The following DCHS2 variants were observed in gnomAD, a reference collection of about 807,000 sequenced individuals.
DCHS2 encodes protocadherin-23.
Under a neutral mutation model 182.4 loss-of-function variants are expected in DCHS2, and 142 were observed. The observed-to-expected ratio is 0.78, with a 90% CI of 0.68 to 0.89. The LOEUF (loss-of-function observed/expected upper bound fraction) is 0.89, where lower values mean the gene tolerates loss of function less well. Ranked by LOEUF, DCHS2 falls within the 40% of genes least tolerant of loss-of-function variation. The probability of loss-of-function intolerance (pLI) is 0.00; values close to 1 mark genes in which losing one functional copy is unlikely to be tolerated. For synonymous variants in DCHS2, 1,740 were observed against 1,663.3 expected, an observed-to-expected ratio of 1.05 and a Z score of -1.12; for missense variants, 4,319 against 4,198.6, an observed-to-expected ratio of 1.03 and a Z score of -0.79.
chr4:154,431,862 G>A (rs1397815741), intron 1 of DCHS2, among the ~76,000 whole-genome samples: 1 of 108,882 alleles, frequency 9.2e-6, no homozygotes, highest in Non-Finnish European at 2.3e-5. Flanking sequence ...TGCCCAATAA[G>A]CCTAAGGCTT....
At chr4:154,245,155 T>C (rs1334414370) in intron 16 of DCHS2, among the ~76,000 whole-genome samples, 1 of 152,138 alleles carries the variant, frequency 6.6e-6, no homozygotes, top group Non-Finnish European at 1.5e-5. Flanking sequence ...TAAAAAAATA[T>C]GAAGGTAGAT....
At chr4:154,483,823 C>A (rs1736014670) in intron 1 of DCHS2, among the ~76,000 whole-genome samples, 6 of 152,110 alleles carry the variant, frequency 3.9e-5, no homozygotes, top group Admixed American at 3.9e-4. Flanking sequence ...AGTCGCAAGA[C>A]CCTCGTCTCA....
rs190489891 is a variant in DCHS2 at position 154,444,008 on chromosome 4, G to A, written c.2052+45296C>T. Among the ~76,000 whole-genome samples the A allele has an allele frequency of 2.0e-3, 310 of 152,248 alleles. 1 individual carries two copies. The highest frequency in any genetic ancestry group is 6.8e-3 in the African/African-American group (284 of 41,550). Reference sequence around the variant, plus strand: ...ATTCTCTTTGCTTCCAGGATCCAGTGTTCTCCTGATTCCTCTCCTCCCTGC... The same window carrying A: ...ATTCTCTTTGCTTCCAGGATCCAGTATTCTCCTGATTCCTCTCCTCCCTGC... On this transcript the variant is annotated intron_variant, in intron 1 of 19. Coordinates refer to ENST00000357232, the MANE Select transcript of DCHS2 (RefSeq NM_001358235.2).
chr4:154,456,158 T>TA (rs1734758275), intron 1 of DCHS2, among the ~76,000 whole-genome samples: 2 of 152,148 alleles, frequency 1.3e-5, no homozygotes, highest in Non-Finnish European at 2.9e-5. Flanking sequence ...ATATAGTATA[T>TA]AGGTTTTCTG....
chr4:154,385,565 G>A (rs961410354), intron 1 of DCHS2, among the ~76,000 whole-genome samples: 1 of 152,100 alleles, frequency 6.6e-6, no homozygotes, highest in African/African-American at 2.4e-5. Context: ...TCGGCTCACT[G>A]CAACCTCCGC....
chr4:154,336,207 A>T (rs992677995), intron 3 of DCHS2, among the ~76,000 whole-genome samples: 1 of 152,220 alleles, frequency 6.6e-6, no homozygotes, highest in Non-Finnish European at 1.5e-5. Flanking sequence ...AGGCTTATGC[A>T]TGTAGAGTAT....
intron 1 of DCHS2, among the ~76,000 whole-genome samples, chr4:154,466,434 C>A (rs1735242266): frequency 6.6e-6 from 1 of 152,228 alleles, no homozygotes; most frequent in South Asian, 2.1e-4. Flanking sequence ...GAACACTGAG[C>A]CTAAAGAACC....
chr4:154,338,098 C>T lies in DCHS2; in HGVS notation c.2477-2994G>A, dbSNP rs549020321. Among the ~76,000 whole-genome samples, 123 of 152,264 alleles carry T rather than the reference C, an allele frequency of 8.1e-4. 1 individual carries two copies. Among genetic ancestry groups the T allele is most frequent in the African/African-American group, 2.8e-3 (117 of 41,554 alleles). On this transcript the variant is annotated intron_variant, in intron 3 of 19. Transcript: ENST00000357232. ...GGTGCAGCTGGCCTTCTCTTTCTCT[C>T]CACTTAGCTCTAGCTACCACTATTC...
intron 1 of DCHS2, among the ~76,000 whole-genome samples, chr4:154,462,378 A>G (rs1393203030): frequency 6.6e-6 from 1 of 152,218 alleles, no homozygotes; most frequent in Non-Finnish European, 1.5e-5. Context: ...TTGTTTTACA[A>G]CATACGAAAG....
intron 13 of DCHS2, among the ~76,000 whole-genome samples, chr4:154,283,790 T>C (rs888830376): frequency 2.6e-4 from 40 of 152,288 alleles, no homozygotes; most frequent in African/African-American, 9.6e-4. Context: ...ATTGTGGACC[T>C]GGTGCTGCCA....
chr4:154,239,140 T>C, intron 19 of DCHS2, 30 bp downstream of exon 19: 1 of 1,597,206 alleles, frequency 6.3e-7, no homozygotes, highest in Admixed American at 1.8e-5. Flanking sequence ...CCCAAACCTA[T>C]GAGCATTAAT....
At chr4:154,246,283 A>C (rs2111120800) in intron 16 of DCHS2, among the ~76,000 whole-genome samples, 2 of 152,330 alleles carry the variant, frequency 1.3e-5, no homozygotes, top group South Asian at 4.1e-4. Flanking sequence ...TCTCAGCCAA[A>C]GAATGCCTTT....
intron 1 of DCHS2, among the ~76,000 whole-genome samples, chr4:154,397,746 G>A (rs1204353565): frequency 6.6e-6 from 1 of 152,156 alleles, no homozygotes; most frequent in Non-Finnish European, 1.5e-5. Context: ...GGCACTTCCT[G>A]AGACCCAGAT....
At chr4:154,393,034 A>T (rs1731775846) in intron 1 of DCHS2, among the ~76,000 whole-genome samples, 1 of 152,034 alleles carries the variant, frequency 6.6e-6, no homozygotes, top group Admixed American at 6.6e-5. Flanking sequence ...TTTTATCTTC[A>T]TCTTACTGAG....
At chr4:154,382,962 T>C (rs1247250504) in intron 1 of DCHS2, among the ~76,000 whole-genome samples, 1 of 152,048 alleles carries the variant, frequency 6.6e-6, no homozygotes, top group Non-Finnish European at 1.5e-5. Flanking sequence ...AGAACTACCA[T>C]TCGAACAATA....
Position 154,490,139 on chromosome 4 carries a change from A to C in DCHS2, c.1217T>G (p.Val406Gly), listed in dbSNP as rs1728748302. Residue 406 changes from valine to glycine, a missense_variant, in exon 1 of 20, where the codon GTG becomes GGG. Transcript: ENST00000357232. ...GTGAATTGCTGGCCGGTTGTCATTCACGTCCAGCACGGCGATGGACACGCG... is the reference window on the plus strand; with the variant it reads ...GTGAATTGCTGGCCGGTTGTCATTCCCGTCCAGCACGGCGATGGACACGCG... ...TVRVSIAVLD[V>G]NDNRPAIHVL... 3 of 1,548,024 alleles carry C rather than the reference A, an allele frequency of 1.9e-6. No individual in the cohort carries two copies. Among genetic ancestry groups the C allele is most frequent in the Non-Finnish European group, 2.6e-6 (3 of 1,145,402 alleles).
In DCHS2 at chr4:154,366,664, C is replaced by G. The variant is rs534490808; in HGVS notation, c.2245-223G>C. 5.3e-5 allele frequency among the ~76,000 whole-genome samples: 8 copies of G among 152,192 alleles called. No individual in the cohort carries two copies. The South Asian group carries it at 1.7e-3, about 32-fold the overall frequency. ...ATACACACACACACAGACACACACA[C>G]ACACAAACACGTCTTTATATTCATT... On this transcript the variant is annotated intron_variant, in intron 2 of 19. Transcript: ENST00000357232.
At chr4:154,266,418 A>G (rs1175757488) in intron 14 of DCHS2, among the ~76,000 whole-genome samples, 1 of 152,062 alleles carries the variant, frequency 6.6e-6, no homozygotes, top group East Asian at 1.9e-4. Flanking sequence ...GAACTTTGGG[A>G]GGGTGAAGCG....
intron 1 of DCHS2, among the ~76,000 whole-genome samples, chr4:154,418,646 T>G (rs1222585110): frequency 2.0e-5 from 3 of 152,226 alleles, no homozygotes; most frequent in Non-Finnish European, 4.4e-5. Flanking sequence ...AGTTAAGCAT[T>G]TTGTAATATC....
Sources: gnomAD v4.1 joint callset for allele counts (sites outside exome capture counted in the v4.1 genomes callset) on GRCh38, gnomAD v4.1.1 for gene constraint, MANE v1.5 for transcripts, NCBI Gene and HGNC (gene_info 2026-07-23, HGNC 2026-07-21) for gene names.